DRAXIN: variants seen among roughly 807,000 people sequenced by gnomAD.
DRAXIN encodes the protein dorsal inhibitory axon guidance protein, also known as dorsal repulsive axon guidance protein.
DRAXIN carries 27 observed loss-of-function variants against 33.9 expected under a neutral mutation model. The ratio of observed to expected loss-of-function variants is 0.80; its 90% CI spans 0.59 to 1.10. The LOEUF (loss-of-function observed/expected upper bound fraction) is 1.10, where lower values mean the gene tolerates loss of function less well. Among genes scored for constraint, DRAXIN ranks in the 50% least tolerant of loss-of-function variants. The pLI is 0.00. For synonymous variants in DRAXIN, 178 were observed against 194.0 expected (o/e 0.92, Z 0.69); for missense variants, 371 against 460.8 (o/e 0.81, Z 1.78).
Position 11,706,436 on chromosome 1 carries a change from C to T in DRAXIN, c.178C>T (p.Arg60Trp), listed in dbSNP as rs202026446. ...WTPQASHHRR[R>W]GPGKKEWGPG... ...GCCTCAGGCCAGCCACCACCGCCGG[C>T]GGGGCCCGGGCAAGAAGGAGTGGGG... Residue 60 changes from arginine (R) to tryptophan (W), a missense_variant, in exon 2 of 7, where the codon CGG becomes TGG. Physicochemically the swap from Arg to Trp is moderately radical, Grantham distance 101. Coordinates refer to ENST00000294485, the MANE Select transcript of DRAXIN (RefSeq NM_198545.4). The surrounding 1 kb of genome is among the most constrained non-coding windows in gnomAD (Gnocchi z 5.5). 4.8e-3 allele frequency: 7,762 copies of T among 1,611,554 alleles called. 47 individuals are homozygous for T. The highest frequency in any genetic ancestry group is 5.5e-3 in the Non-Finnish European group (6,478 of 1,179,368).
intron 2 of DRAXIN, among the ~76,000 whole-genome samples, chr1:11,707,878 A>G (rs921163739): frequency 2.0e-5 from 3 of 152,164 alleles, no homozygotes; most frequent in Non-Finnish European, 4.4e-5. Context: ...TAAGCCAGGG[A>G]ACTTGGCTTC....
At chr1:11,710,738 C>A (rs1354953655) in intron 3 of DRAXIN, among the ~76,000 whole-genome samples, 3 of 145,290 alleles carry the variant, frequency 2.1e-5, no homozygotes, top group Non-Finnish European at 4.5e-5. Flanking sequence ...CATGGTGAAA[C>A]CCCATCTCTA....
chr1:11,688,778 G>C (rs923055116), upstream of DRAXIN, among the ~76,000 whole-genome samples: 19 of 152,118 alleles, frequency 1.2e-4, no homozygotes, highest in Non-Finnish European at 1.5e-4. This position sits in a 1 kb window ranked among gnomAD's most constrained non-coding sequence, Gnocchi z 4.6. Flanking sequence ...AGATGGCTAA[G>C]GCATTCTAAG....
chr1:11,720,173 T>A lies in DRAXIN; in HGVS notation c.*477T>A, dbSNP rs1419297535. On this transcript the variant is annotated 3_prime_UTR_variant, in exon 7 of 7. Transcript: ENST00000294485. ...TCACAACGACCTTTTCAAGTAGGCA[T>A]TATCACCATGCGACAGGTTGAGGAC... is the stretch of plus-strand genomic sequence containing the variant. The A allele has an allele frequency of 1.2e-5, 2 of 162,936 alleles. No individual in the cohort carries two copies. Among genetic ancestry groups the A allele is most frequent in the Non-Finnish European group, 2.7e-5 (2 of 72,968 alleles). The allele number at this position is 162,936 out of a possible 1,614,324, so 10.1% of individuals were successfully genotyped here. A position where few individuals can be genotyped will look rare whatever the true frequency, so the allele number is the denominator to read the frequency against.
intron 1 of DRAXIN, among the ~76,000 whole-genome samples, chr1:11,697,654 G>T (rs772223082): frequency 5.9e-5 from 9 of 152,200 alleles, no homozygotes; most frequent in South Asian, 2.1e-4. Flanking sequence ...GACTGGAGCA[G>T]GTGCCCTTGT....
chr1:11,710,578 A>G (rs1170137149), intron 3 of DRAXIN, among the ~76,000 whole-genome samples: 1 of 152,174 alleles, frequency 6.6e-6, no homozygotes, highest in East Asian at 1.9e-4. Flanking sequence ...AGAGGGGTAT[A>G]TAGGAGCTGA....
At chr1:11,701,871 T>C (rs1641280217) in intron 1 of DRAXIN, among the ~76,000 whole-genome samples, 1 of 152,162 alleles carries the variant, frequency 6.6e-6, no homozygotes, top group Non-Finnish European at 1.5e-5. Context: ...ACGACTTCTG[T>C]AGCAGCCCAC....
chr1:11,719,231 A>C (rs1369667064), intron 6 of DRAXIN, among the ~76,000 whole-genome samples: 3 of 152,110 alleles, frequency 2.0e-5, no homozygotes, highest in African/African-American at 7.2e-5. Flanking sequence ...TGCTTGACAA[A>C]CCAATAGTGA....
In DRAXIN at chr1:11,706,328, CTGGCAGGCGCCCTTGCACCTG is replaced by C. The variant is rs1448675658; in HGVS notation, c.71_91del (p.Leu24_Gly31delinsArg). 6.2e-7 allele frequency: 1 copy of C among 1,613,818 alleles called. No homozygotes were observed. The highest frequency in any genetic ancestry group is 8.5e-7 in the Non-Finnish European group (1 of 1,180,004). On this transcript the variant is annotated inframe_deletion, in exon 2 of 7. Coordinates refer to ENST00000294485, the MANE Select transcript of DRAXIN (RefSeq NM_198545.4). This position sits in a 1 kb window ranked among gnomAD's most constrained non-coding sequence, Gnocchi z 5.5. ...CCTCCTGCTGCCCCTGGAGCTGAGC[CTGGCAGGCGCCCTTGCACCTG>C]GGACCCCTGCCCGGAACCTCCCTGA...
intron 3 of DRAXIN, 97 bp downstream of exon 3, chr1:11,709,562 G>A: frequency 2.2e-6 from 3 of 1,362,768 alleles, no homozygotes; most frequent in Non-Finnish European, 2.9e-6. Context: ...AGGCACGGGG[G>A]CAGGAGGCCA....
chr1:11,710,938 T>C (rs1252836376), intron 3 of DRAXIN, among the ~76,000 whole-genome samples: 1 of 76,864 alleles, frequency 1.3e-5, no homozygotes, highest in Non-Finnish European at 2.4e-5. Context: ...AAAAAAAAGG[T>C]TTTCAAACTA....
At chr1:11,715,333 T>C in intron 6 of DRAXIN, 125 bp downstream of exon 6, 33 of 1,182,638 alleles carry the variant, frequency 2.8e-5, no homozygotes, top group Non-Finnish European at 4.0e-5. Flanking sequence ...ATCATGGGCC[T>C]GCGGCGGGGG....
intron 6 of DRAXIN, among the ~76,000 whole-genome samples, chr1:11,718,142 A>T (rs940674464): frequency 3.3e-4 from 15 of 45,136 alleles, no homozygotes; most frequent in African/African-American, 3.1e-3. Flanking sequence ...CATCTCTGCT[A>T]AAAAAAAAAA....
rs1641390898 is a variant in DRAXIN, at chr1:11,706,800, A to G, written c.451+91A>G. 4 of 1,379,858 alleles carry G rather than the reference A, an allele frequency of 2.9e-6. No homozygotes were observed. Among genetic ancestry groups the G allele is most frequent in the Non-Finnish European group, 3.8e-6 (4 of 1,039,822 alleles). The allele number at this position is 1,379,858 out of a possible 1,614,324, so 85.5% of individuals were successfully genotyped here. A position where few individuals can be genotyped will look rare whatever the true frequency, so the allele number is the denominator to read the frequency against. ...GAGGATGCAGGCAAGGGTCAGGGGC[A>G]TGAGGTCCAGAGGAGAGGAGGGGTC... On this transcript the variant is annotated intron_variant, in intron 2 of 6. Transcript: ENST00000294485. The surrounding 1 kb of genome is among the most constrained non-coding windows in gnomAD (Gnocchi z 5.5).
rs1390590841 is a variant in DRAXIN at position 11,694,035 on chromosome 1, C to T, written c.-11+2182C>T. On this transcript the variant is annotated intron_variant, in intron 1 of 6. Transcript: ENST00000294485. This position sits in a 1 kb window ranked among gnomAD's most constrained non-coding sequence, Gnocchi z 4.9. ...TGCCCTGCCCTGTGTTTGATCTCAG[C>T]CCTCTGTCTTTGCTGACCAAGGAGG... is the stretch of plus-strand genomic sequence containing the variant. Among the ~76,000 whole-genome samples, 6 of 152,142 alleles carry T rather than the reference C, an allele frequency of 3.9e-5. No individual in the cohort carries two copies. Among genetic ancestry groups the T allele is most frequent in the African/African-American group, 1.4e-4 (6 of 41,436 alleles).
At chr1:11,712,291 T>C in intron 4 of DRAXIN, 49 bp from the exon 5 acceptor site, 1 of 1,607,916 alleles carries the variant, frequency 6.2e-7, no homozygotes, top group South Asian at 1.1e-5. Context: ...GTGCTTAACC[T>C]CTGCTCTGCT....
chr1:11,698,462 C>T (rs6658124), intron 1 of DRAXIN, among the ~76,000 whole-genome samples: 4 of 152,128 alleles, frequency 2.6e-5, no homozygotes, highest in Non-Finnish European at 5.9e-5. Flanking sequence ...ATGGGGCTTC[C>T]GGACTGCACT....
chr1:11,715,270 C>A, intron 6 of DRAXIN, 62 bp downstream of exon 6: 2 of 1,599,090 alleles, frequency 1.3e-6, no homozygotes. Context: ...GCCTCCCTTT[C>A]TCGAAGCGGC....
chr1:11,700,724 G>C (rs1338860870), intron 1 of DRAXIN, among the ~76,000 whole-genome samples: 1 of 152,206 alleles, frequency 6.6e-6, no homozygotes, highest in Admixed American at 6.5e-5. Context: ...GTGGGGGGTT[G>C]CCTGCTTCAC....
Sources: allele counts gnomAD v4.1 joint callset (sites outside exome capture counted in the v4.1 genomes callset), GRCh38; gene constraint gnomAD v4.1.1; non-coding constraint Gnocchi (gnomAD v3.1); transcripts MANE v1.5; gene names NCBI Gene and HGNC (gene_info 2026-07-23, HGNC 2026-07-21).